DPYD: variants seen among roughly 807,000 people sequenced by gnomAD.
DPYD encodes dihydropyrimidine dehydrogenase, also known as dihydropyrimidine dehydrogenase [NADP(+)].
DPYD carries 109 observed loss-of-function variants against 116.2 expected under a neutral mutation model. That is an observed-to-expected ratio of 0.94 (90% CI 0.80 to 1.10). The LOEUF (loss-of-function observed/expected upper bound fraction) is 1.10, where lower values mean the gene tolerates loss of function less well. DPYD is among the 50% of genes least tolerant of loss of function. DPYD has a pLI of 0.00. For missense variants in DPYD, 1,302 were observed against 1,254.5 expected, an observed-to-expected ratio of 1.04 and a Z score of -0.57; for synonymous variants, 440 against 432.0, an observed-to-expected ratio of 1.02 and a Z score of -0.23.
chr1:97,144,213 CCTTT>C (rs1266045236), intron 20 of DPYD, among the ~76,000 whole-genome samples: 1 of 152,166 alleles, frequency 6.6e-6, no homozygotes, highest in Non-Finnish European at 1.5e-5. Flanking sequence ...TAGGCAAATG[CCTTT>C]CTTTCAGCTT....
In DPYD at chr1:97,675,160, A is replaced by G. The variant is rs1660073326; in HGVS notation, c.850+3935T>C. 2.0e-5 allele frequency among the ~76,000 whole-genome samples: 3 copies of G among 152,210 alleles called. No individual in the cohort carries two copies. The South Asian group carries it at 6.2e-4, about 32-fold the overall frequency. The stretch of plus-strand genomic sequence containing the variant: ...TATTTTCTGGTTATTTTTATAAAAT[A>G]AAAAGGAAGAAACAATGGTTGTAAC... On this transcript the variant is annotated intron_variant, in intron 8 of 22. Coordinates refer to ENST00000370192, the MANE Select transcript of DPYD (RefSeq NM_000110.4).
At chr1:97,736,630 A>G (rs1283662527) in intron 4 of DPYD, among the ~76,000 whole-genome samples, 1 of 152,200 alleles carries the variant, frequency 6.6e-6, no homozygotes, top group Non-Finnish European at 1.5e-5. Context: ...ACCTCATTCT[A>G]TGACACAAAA....
chr1:97,494,771 CACACACAT>C (rs1258822165), intron 13 of DPYD, among the ~76,000 whole-genome samples: 3 of 149,300 alleles, frequency 2.0e-5, no homozygotes, highest in African/African-American at 4.9e-5. Context: ...CACACACACA[CACACACAT>C]ACGCACACAC....
At chr1:97,115,178 C>T (rs1337561383) in intron 20 of DPYD, among the ~76,000 whole-genome samples, 1 of 152,186 alleles carries the variant, frequency 6.6e-6, no homozygotes, top group Non-Finnish European at 1.5e-5. Flanking sequence ...GCTCACTCTT[C>T]ACTTGCTTTC....
intron 18 of DPYD, among the ~76,000 whole-genome samples, chr1:97,285,864 C>A (rs190454014): frequency 6.6e-6 from 1 of 151,910 alleles, no homozygotes; most frequent in Non-Finnish European, 1.5e-5. Flanking sequence ...AGAGTCCACC[C>A]GAGTGTCCAA....
chr1:97,224,005 G>T (rs1660948893), intron 19 of DPYD, among the ~76,000 whole-genome samples: 1 of 151,798 alleles, frequency 6.6e-6, no homozygotes, highest in African/African-American at 2.4e-5. Flanking sequence ...TTAACAGGAA[G>T]GTTTTTATAA....
intron 2 of DPYD, among the ~76,000 whole-genome samples, chr1:97,848,880 T>C (rs771385599): frequency 1.3e-5 from 2 of 152,226 alleles, no homozygotes; most frequent in Non-Finnish European, 2.9e-5. Flanking sequence ...ACATTTGAAA[T>C]TGGATCAATT....
intron 3 of DPYD, among the ~76,000 whole-genome samples, chr1:97,776,839 T>C (rs999428975): frequency 6.6e-6 from 1 of 152,218 alleles, no homozygotes; most frequent in Non-Finnish European, 1.5e-5. Flanking sequence ...ATGGAAATTC[T>C]TTTTGATGTA....
intron 13 of DPYD, among the ~76,000 whole-genome samples, chr1:97,471,384 T>C (rs1677641418): frequency 6.6e-6 from 1 of 152,096 alleles, no homozygotes; most frequent in Non-Finnish European, 1.5e-5. Context: ...AAAAAGATGT[T>C]GTGATGGACC....
chr1:97,171,114 A>T (rs1656691937), intron 20 of DPYD, among the ~76,000 whole-genome samples: 1 of 152,198 alleles, frequency 6.6e-6, no homozygotes, highest in South Asian at 2.1e-4. Context: ...GCTAAAAGTC[A>T]AGTAATATAA....
At chr1:97,708,714 A>T (rs1182070959) in intron 5 of DPYD, among the ~76,000 whole-genome samples, 1 of 152,078 alleles carries the variant, frequency 6.6e-6, no homozygotes, top group African/African-American at 2.4e-5. Context: ...CTGAATCTAT[A>T]GATCTAATTG....
At chr1:97,524,905 C>A (rs955329767) in intron 12 of DPYD, among the ~76,000 whole-genome samples, 3 of 152,108 alleles carry the variant, frequency 2.0e-5, no homozygotes, top group Non-Finnish European at 2.9e-5. Context: ...AAACTGAAAA[C>A]CCCTGACGCA....
intron 20 of DPYD, among the ~76,000 whole-genome samples, chr1:97,173,512 C>A (rs557845707): frequency 2.0e-5 from 3 of 149,672 alleles, no homozygotes; most frequent in African/African-American, 7.4e-5. Flanking sequence ...AATACACACA[C>A]AAAAGGTATA....
chr1:97,383,449 C>G (rs1469931491), intron 14 of DPYD, among the ~76,000 whole-genome samples: 1 of 145,040 alleles, frequency 6.9e-6, no homozygotes, highest in Non-Finnish European at 1.5e-5. Context: ...GCACTCCAGC[C>G]TGGGCAACAG....
chr1:97,825,747 T>G (rs896961190), intron 3 of DPYD, among the ~76,000 whole-genome samples: 1 of 151,642 alleles, frequency 6.6e-6, no homozygotes, highest in Non-Finnish European at 1.5e-5. Context: ...GTTGTGCACA[T>G]GTACCCTAGA....
intron 16 of DPYD, among the ~76,000 whole-genome samples, chr1:97,369,752 A>C (rs1434101814): frequency 6.6e-6 from 1 of 152,194 alleles, no homozygotes; most frequent in Non-Finnish European, 1.5e-5. Flanking sequence ...GTTAACTAAA[A>C]TGGAAGCGCA....
At chr1:97,112,749 G>T (rs1173922806) in intron 20 of DPYD, among the ~76,000 whole-genome samples, 1 of 152,068 alleles carries the variant, frequency 6.6e-6, no homozygotes, top group East Asian at 1.9e-4. Context: ...ACATGAAAAA[G>T]AAATTAAAAC....
In DPYD at chr1:97,118,388, CTTTT is replaced by C. The variant is rs113609742; in HGVS notation, c.2623-19760_2623-19757del. On this transcript the variant is annotated intron_variant, in intron 20 of 22. Coordinates refer to ENST00000370192, the MANE Select transcript of DPYD (RefSeq NM_000110.4). ...TTAAACTCTCTTTCCATTTCTCTTT[CTTTT>C]TAACATTTTTTTTTCTAAGCCAGAA... is the stretch of plus-strand genomic sequence containing the variant. Among the ~76,000 whole-genome samples the C allele has an allele frequency of 5.6e-3, 853 of 152,026 alleles. 6 individuals are homozygous for C. Among genetic ancestry groups the C allele is most frequent in the African/African-American group, 0.019 (788 of 41,500 alleles).
At position 97,343,048 on chromosome 1, in the gene DPYD, A is replaced by T. The variant is rs541769504; in HGVS notation, c.2058+30513T>A. ...AACAAACAAATAAACAAAGCCTTTT[A>T]AAAAATACTGTGAATCAGTACATTT... On this transcript the variant is annotated intron_variant, in intron 16 of 22. Coordinates refer to ENST00000370192, the MANE Select transcript of DPYD (RefSeq NM_000110.4). 4.5e-4 allele frequency among the ~76,000 whole-genome samples: 69 copies of T among 152,302 alleles called. 1 individual carries two copies. In the South Asian group the frequency reaches 9.3e-3, roughly 21 times the overall value.
Sources: gnomAD v4.1 joint callset for allele counts (sites outside exome capture counted in the v4.1 genomes callset) on GRCh38, gnomAD v4.1.1 for gene constraint, MANE v1.5 for transcripts, NCBI Gene and HGNC (gene_info 2026-07-23, HGNC 2026-07-21) for gene names.